The following SYNE2 variants were observed in gnomAD, a reference collection of about 807,000 sequenced individuals.
SYNE2 encodes the protein nesprin-2.
A neutral mutation model predicts 856.3 loss-of-function variants in SYNE2; 431 were observed. The observed-to-expected ratio is 0.50, with a 90% CI of 0.47 to 0.55. SYNE2 has a LOEUF of 0.55. SYNE2 is among the 20% of genes least tolerant of loss of function. SYNE2 has a pLI of 0.00. For missense variants in SYNE2, 8,129 were observed against 8,023.2 expected (o/e 1.01, Z -0.50); for synonymous variants, 2,923 against 2,872.3 (o/e 1.02, Z -0.56).
intron 1 of SYNE2, among the ~76,000 whole-genome samples, chr14:63,777,383 A>G (rs1008996409): frequency 6.6e-5 from 10 of 152,190 alleles, no homozygotes; most frequent in Non-Finnish European, 1.2e-4. Flanking sequence ...ACAAACTGGT[A>G]TACAGGCCAG....
intron 38 of SYNE2, 50 bp from the exon 39 acceptor site, chr14:64,024,207 C>T: frequency 1.9e-6 from 3 of 1,563,822 alleles, no homozygotes; most frequent in Non-Finnish European, 1.8e-6. Flanking sequence ...TGGCAGAGAC[C>T]ACATTCAGAC....
At chr14:64,089,187 G>A (rs2097585591) in intron 58 of SYNE2, among the ~76,000 whole-genome samples, 1 of 151,806 alleles carries the variant, frequency 6.6e-6, no homozygotes, top group South Asian at 2.1e-4. Context: ...CCAACATGGC[G>A]AAACTCCGTC....
chr14:64,166,529 C>T (rs1218092158), intron 90 of SYNE2, among the ~76,000 whole-genome samples: 1 of 152,212 alleles, frequency 6.6e-6, no homozygotes, highest in African/African-American at 2.4e-5. Flanking sequence ...GTTTAAGTCC[C>T]TTGCTCTGCT....
intron 1 of SYNE2, among the ~76,000 whole-genome samples, chr14:63,775,431 G>A (rs1265005798): frequency 7.2e-5 from 11 of 151,810 alleles, no homozygotes; most frequent in Admixed American, 7.2e-4. Context: ...GCCTGCCACA[G>A]TGCCCAGCTA....
At position 64,053,464 on chromosome 14, in the gene SYNE2, A is replaced by G; in HGVS notation, c.9551A>G (p.His3184Arg). 2.5e-6 allele frequency: 4 copies of G among 1,614,028 alleles called. No individual in the cohort carries two copies. The highest frequency in any genetic ancestry group is 1.1e-5 in the South Asian group (1 of 90,974). Residue 3184 changes from histidine to arginine, a missense_variant, in exon 48 of 116, where the codon CAT (histidine) becomes CGT (arginine). Transcript: ENST00000555002. ...TTACTTATAAATTTGGAAATTAAAC[A>G]TATTCAAAATGAAAAGGACAATTGT... ...QPLLINLEIK[H>R]IQNEKDNCEA...
intron 20 of SYNE2, 133 bp downstream of exon 20, chr14:63,990,702 T>C: frequency 1.2e-6 from 1 of 868,044 alleles, no homozygotes; most frequent in Non-Finnish European, 1.8e-6. Flanking sequence ...CATTATGTTT[T>C]ATTTCTTTAT....
At chr14:64,020,141 C>T in intron 35 of SYNE2, 48 bp downstream of exon 35, 1 of 1,213,042 alleles carries the variant, frequency 8.2e-7, no homozygotes. Flanking sequence ...TTCAGTAAGC[C>T]ATAATCATAT....
chr14:63,909,974 G>A (rs1313078601), intron 2 of SYNE2, among the ~76,000 whole-genome samples: 2 of 152,176 alleles, frequency 1.3e-5, no homozygotes, highest in South Asian at 2.1e-4. Context: ...TTTTAAAAGT[G>A]CTTCTTGTGG....
At chr14:63,812,968 G>A (rs776387151) in intron 1 of SYNE2, among the ~76,000 whole-genome samples, 2 of 152,186 alleles carry the variant, frequency 1.3e-5, no homozygotes, top group Admixed American at 1.3e-4. Flanking sequence ...CTACAGGTGA[G>A]TAAAAATGGT....
At chr14:64,095,579 C>G (rs1361073754) in intron 61 of SYNE2, among the ~76,000 whole-genome samples, 3 of 151,954 alleles carry the variant, frequency 2.0e-5, no homozygotes, top group Non-Finnish European at 4.4e-5. Flanking sequence ...TTAAGGAAAG[C>G]AATACAGTTT....
At chr14:63,910,637 A>G (rs2095461695) in intron 2 of SYNE2, among the ~76,000 whole-genome samples, 1 of 152,340 alleles carries the variant, frequency 6.6e-6, no homozygotes. Context: ...TCAGATTTGT[A>G]ATGCTGGCTC....
Position 64,065,450 on chromosome 14 carries a change from A to G in SYNE2, c.10231A>G (p.Ile3411Val), listed in dbSNP as rs781446343. ...TCTTAAGGCCTTGGTGTCAAATCTT[A>G]TATCAACCAAAGAAGAGTTAATGAA... ...EQSKALVSNL[I>V]STKEELMKLR... The change falls in exon 51 of 116, where the codon ATA becomes GTA. Residue 3411 changes from isoleucine to valine, a missense_variant. By Grantham distance (29) the Ile-to-Val change is conservative. Transcript: ENST00000555002. 3.1e-6 allele frequency: 5 copies of G among 1,614,020 alleles called. No individual in the cohort carries two copies. In the African/African-American group the frequency reaches 5.3e-5, roughly 17 times the overall value.
At chr14:64,141,565 G>A (rs2098139514) in intron 81 of SYNE2, 42 bp downstream of exon 81, 5 of 1,585,780 alleles carry the variant, frequency 3.2e-6, no homozygotes, top group Non-Finnish European at 4.3e-6. Context: ...GCATTCACTT[G>A]TTAGCTCATA....
chr14:63,837,170 C>T (rs1011483844), intron 1 of SYNE2, among the ~76,000 whole-genome samples: 3 of 152,090 alleles, frequency 2.0e-5, no homozygotes, highest in Admixed American at 6.6e-5. Flanking sequence ...ATTTTTAACA[C>T]GAGTGCCAAG....
In SYNE2 at chr14:63,909,853, T is replaced by G. The variant is rs193167736; in HGVS notation, c.79+626T>G. Reference sequence around the variant, plus strand: ...CGAAACTCCATCTCAAATAAATGAATGAATGAATGCACATCCTTATTTTGT... The same window carrying G: ...CGAAACTCCATCTCAAATAAATGAAGGAATGAATGCACATCCTTATTTTGT... On this transcript the variant is annotated intron_variant, in intron 2 of 115. Transcript: ENST00000555002. Among the ~76,000 whole-genome samples, 342 of 152,270 alleles carry G rather than the reference T, an allele frequency of 2.2e-3. 2 individuals carry two copies. The highest frequency in any genetic ancestry group is 6.8e-3 in the Middle Eastern group (2 of 294).
intron 46 of SYNE2, 95 bp from the exon 47 acceptor site, chr14:64,049,516 G>GA: frequency 7.6e-7 from 1 of 1,310,560 alleles, no homozygotes; most frequent in Non-Finnish European, 1.1e-6. Flanking sequence ...CTCTTCCTGA[G>GA]ATAGAGTGTG....
rs181129005 is a variant in SYNE2 at position 64,010,212 on chromosome 14, C to T, written c.4728+96C>T. ...ATAGATTAAGTCTTTTTTGAAACTT[C>T]GTTTAAAAGAAGTTACTAGTGACCC... On this transcript the variant is annotated intron_variant, in intron 32 of 115. Transcript: ENST00000555002. 4,896 of 1,360,012 alleles carry T rather than the reference C, an allele frequency of 3.6e-3. 25 individuals carry two copies. Among genetic ancestry groups the T allele is most frequent in the South Asian group, 0.012 (945 of 77,766 alleles). The allele number at this position is 1,360,012 out of a possible 1,614,324, so 84.2% of individuals were successfully genotyped here.
intron 32 of SYNE2, among the ~76,000 whole-genome samples, chr14:64,011,861 C>T (rs1333811111): frequency 6.6e-6 from 1 of 152,184 alleles, no homozygotes; most frequent in Admixed American, 6.5e-5. Context: ...TGACTCCATT[C>T]CTGGGTGAGT....
At chr14:64,004,264 G>A (rs1480478771) in intron 30 of SYNE2, among the ~76,000 whole-genome samples, 1 of 144,704 alleles carries the variant, frequency 6.9e-6, no homozygotes, top group Non-Finnish European at 1.5e-5. Context: ...TTAATCTCTC[G>A]ACCTCGTGAT....
Sources: allele counts gnomAD v4.1 joint callset (sites outside exome capture counted in the v4.1 genomes callset), GRCh38; gene constraint gnomAD v4.1.1; transcripts MANE v1.5; gene names NCBI Gene and HGNC (gene_info 2026-07-23, HGNC 2026-07-21).